The following RBFOX1 variants were observed in gnomAD, a reference collection of about 807,000 sequenced individuals.
RBFOX1 encodes the protein RNA binding protein fox-1 homolog 1.
In RBFOX1, 8 loss-of-function variants were observed where a neutral mutation model predicts 57.7. The ratio of observed to expected loss-of-function variants is 0.14; its 90% confidence interval spans 0.08 to 0.25. RBFOX1 has a LOEUF of 0.25. RBFOX1 is among the 10% of genes least tolerant of loss of function. RBFOX1 has a pLI of 1.00. For missense variants in RBFOX1, 611 were observed against 548.5 expected (o/e 1.11, Z -1.14); for synonymous variants, 326 against 222.4 (o/e 1.47, Z -4.15).
chr16:5,811,218 C>A (rs970348174), intron 3 of RBFOX1, among the ~76,000 whole-genome samples: 2 of 144,360 alleles, frequency 1.4e-5, no homozygotes, highest in Admixed American at 7.0e-5. Flanking sequence ...TCTCGGCTCA[C>A]TGCAACTTCC....
chr16:6,013,233 T>A (rs2094972457), intron 4 of RBFOX1, among the ~76,000 whole-genome samples: 1 of 152,228 alleles, frequency 6.6e-6, no homozygotes, highest in South Asian at 2.1e-4. Flanking sequence ...ATAGTATGTT[T>A]CATAAAGTTA....
intron 2 of RBFOX1, among the ~76,000 whole-genome samples, chr16:6,636,803 TATAATATATA>T (rs1418145225): frequency 0.09 from 428 of 4,758 alleles, 7 homozygotes; most frequent in South Asian, 0.12. Flanking sequence ...ATATGTTATA[TATAATATATA>T]ATATATAATA....
At position 7,611,538 on chromosome 16, in the gene RBFOX1, C is replaced by T. The variant is rs903740523; in HGVS notation, c.676+4200C>T. ...AGGTTGCAGTGAGCCAAGATTGCAC[C>T]ATTGCACTGCAGCCTGGGTGACAAG... On this transcript the variant is annotated intron_variant, in intron 10 of 15. Coordinates refer to ENST00000550418, the MANE Select transcript of RBFOX1 (RefSeq NM_018723.4). Among the ~76,000 whole-genome samples the T allele has an allele frequency of 1.1e-4, 17 of 150,354 alleles. 1 individual carries two copies. Among genetic ancestry groups the T allele is most frequent in the African/African-American group, 1.7e-4 (7 of 40,774 alleles).
intron 1 of RBFOX1, among the ~76,000 whole-genome samples, chr16:6,064,342 G>A (rs911046523): frequency 4.6e-5 from 7 of 152,108 alleles, no homozygotes; most frequent in Admixed American, 3.9e-4. Context: ...ATGCAAGCAT[G>A]AGTGCAAAAT....
intron 1 of RBFOX1, among the ~76,000 whole-genome samples, chr16:6,044,646 A>G (rs1439426427): frequency 6.6e-6 from 1 of 152,198 alleles, no homozygotes; most frequent in Non-Finnish European, 1.5e-5. Context: ...TAGTATCTTC[A>G]GGTGGCTTCC....
intron 2 of RBFOX1, among the ~76,000 whole-genome samples, chr16:6,536,750 A>G (rs967257919): frequency 2.8e-4 from 42 of 152,162 alleles, no homozygotes; most frequent in African/African-American, 1.0e-3. Flanking sequence ...GAAAGGTTTT[A>G]AAAGATTAAA....
At chr16:7,675,218 C>G (rs1353668301) in intron 13 of RBFOX1, among the ~76,000 whole-genome samples, 1 of 150,156 alleles carries the variant, frequency 6.7e-6, no homozygotes, top group Non-Finnish European at 1.5e-5. Context: ...AACCTGGTGA[C>G]CCAATTTCTC....
In RBFOX1 at chr16:6,798,859, G is replaced by A. The variant is rs74426764; in HGVS notation, c.-16+144209G>A. On this transcript the variant is annotated intron_variant, in intron 3 of 15. Transcript: ENST00000550418. ...TGCTTCGGGGAGTGTAATTCAATCTGCAGTTTGAACTGATGACTCTTCCTT... is the reference window on the plus strand; with the variant it reads ...TGCTTCGGGGAGTGTAATTCAATCTACAGTTTGAACTGATGACTCTTCCTT... 6.1e-3 allele frequency among the ~76,000 whole-genome samples: 930 copies of A among 152,222 alleles called. 19 individuals carry two copies. The highest frequency in any genetic ancestry group is 0.022 in the African/African-American group (901 of 41,524).
intron 2 of RBFOX1, among the ~76,000 whole-genome samples, chr16:6,579,133 A>G (rs931887085): frequency 2.0e-5 from 3 of 152,228 alleles, no homozygotes; most frequent in Non-Finnish European, 4.4e-5. Flanking sequence ...GGTTCTACCT[A>G]GAGAAATTTT....
At chr16:6,534,070 A>G (rs545660591) in intron 2 of RBFOX1, among the ~76,000 whole-genome samples, 4 of 152,204 alleles carry the variant, frequency 2.6e-5, no homozygotes, top group Non-Finnish European at 5.9e-5. Flanking sequence ...AAATGAAAAC[A>G]TATCTGCACA....
rs186831545 is a variant in RBFOX1, at chr16:5,975,771, T to G, written c.351+108436T>G. ...CATTTGCTGGTTGTGCTGCTTTGGGTAGAGCAGTTGTATAATTCAATGAGA... is the reference window on the plus strand; with the variant it reads ...CATTTGCTGGTTGTGCTGCTTTGGGGAGAGCAGTTGTATAATTCAATGAGA... On this transcript the variant is annotated intron_variant, in intron 4 of 19. Coordinates refer to the RBFOX1 transcript ENST00000641259. Among the ~76,000 whole-genome samples the G allele has an allele frequency of 3.6e-3, 548 of 152,306 alleles. 1 individual carries two copies. The highest frequency in any genetic ancestry group is 7.0e-3 in the Admixed American group (107 of 15,290).
chr16:5,817,397 T>G (rs562333340), intron 3 of RBFOX1, among the ~76,000 whole-genome samples: 1 of 152,270 alleles, frequency 6.6e-6, no homozygotes, highest in African/African-American at 2.4e-5. Flanking sequence ...GGTTGGAGTT[T>G]CAGGTAGTTG....
At chr16:7,318,740 C>T (rs544027869) in intron 4 of RBFOX1, among the ~76,000 whole-genome samples, 17 of 152,278 alleles carry the variant, frequency 1.1e-4, no homozygotes, top group African/African-American at 3.9e-4. Context: ...CTTTTTATAG[C>T]AGGCTGAAAA....
chr16:7,192,762 A>C (rs1488480623), intron 4 of RBFOX1, among the ~76,000 whole-genome samples: 1 of 152,228 alleles, frequency 6.6e-6, no homozygotes, highest in Non-Finnish European at 1.5e-5. Flanking sequence ...TTATTTTTGC[A>C]ATCTTTCTGT....
At chr16:7,236,730 C>T (rs1049924519) in intron 4 of RBFOX1, among the ~76,000 whole-genome samples, 7 of 152,096 alleles carry the variant, frequency 4.6e-5, no homozygotes, top group South Asian at 2.1e-4. Flanking sequence ...CAAGCACGCA[C>T]CAGCCTTCAG....
Position 5,793,749 on chromosome 16 carries a change from G to C in RBFOX1, c.319-73554G>C, listed in dbSNP as rs191910154. ...GATCTATGTACATGTGCCTTCGTGT[G>C]TGTGTGTGCATGCATGCATGTGTGT... On this transcript the variant is annotated intron_variant, in intron 3 of 19. Transcript: ENST00000641259. 6.5e-3 allele frequency among the ~76,000 whole-genome samples: 987 copies of C among 152,236 alleles called. 4 individuals are homozygous for C. Among genetic ancestry groups the C allele is most frequent in the Non-Finnish European group, 0.011 (732 of 68,020 alleles).
At chr16:7,338,917 T>A (rs2096842679) in intron 4 of RBFOX1, among the ~76,000 whole-genome samples, 1 of 152,182 alleles carries the variant, frequency 6.6e-6, no homozygotes, top group African/African-American at 2.4e-5. Flanking sequence ...GTCTGTTGAT[T>A]GGGAAAGACA....
chr16:7,015,436 T>A (rs898310240), intron 3 of RBFOX1, among the ~76,000 whole-genome samples: 1 of 152,168 alleles, frequency 6.6e-6, no homozygotes, highest in Non-Finnish European at 1.5e-5. Flanking sequence ...CTGAATCTTC[T>A]GGAGTATAAG....
chr16:7,674,007 A>G (rs778552258), intron 13 of RBFOX1, among the ~76,000 whole-genome samples: 11 of 152,348 alleles, frequency 7.2e-5, no homozygotes, highest in South Asian at 2.1e-4. Flanking sequence ...AGTGAGCTGC[A>G]AAATACAGAG....
Sources: gnomAD v4.1 joint callset for allele counts (sites outside exome capture counted in the v4.1 genomes callset) on GRCh38, gnomAD v4.1.1 for gene constraint, MANE v1.5 for transcripts, NCBI Gene and HGNC (gene_info 2026-07-23, HGNC 2026-07-21) for gene names.